Variants in PHF21A observed in about 807,000 individuals in gnomAD.
PHF21A encodes BHC80a.
Under a neutral mutation model 82.5 loss-of-function variants are expected in PHF21A, and 11 were observed. The observed-to-expected ratio is 0.13, with a 90% confidence interval of 0.08 to 0.22. The LOEUF (loss-of-function observed/expected upper bound fraction) is 0.22, where lower values mean the gene tolerates loss of function less well. Among genes scored for constraint, PHF21A ranks in the 10% least tolerant of loss-of-function variants. The pLI is 1.00. For synonymous variants in PHF21A, 297 were observed against 302.8 expected, an observed-to-expected ratio of 0.98 and a Z score of 0.20; for missense variants, 579 against 837.8, an observed-to-expected ratio of 0.69 and a Z score of 3.81.
chr11:45,978,754 A>G (rs2094154332), intron 7 of PHF21A, among the ~76,000 whole-genome samples: 1 of 152,240 alleles, frequency 6.6e-6, no homozygotes, highest in Non-Finnish European at 1.5e-5. Context: ...TCCAAGTATC[A>G]TTTGGAATAT....
chr11:46,059,458 C>T (rs1003184516), intron 6 of PHF21A, among the ~76,000 whole-genome samples: 3 of 152,068 alleles, frequency 2.0e-5, no homozygotes, highest in African/African-American at 7.2e-5. Flanking sequence ...GACAGGGTTC[C>T]ACTGTCGCCC....
intron 1 of PHF21A, among the ~76,000 whole-genome samples, chr11:46,109,109 T>C (rs969640873): frequency 5.3e-5 from 8 of 152,226 alleles, no homozygotes; most frequent in African/African-American, 1.9e-4. Context: ...TCTAGGTATC[T>C]ATGGGAATTA....
intron 6 of PHF21A, among the ~76,000 whole-genome samples, chr11:46,074,316 T>C (rs986126584): frequency 1.1e-4 from 17 of 152,224 alleles, no homozygotes; most frequent in African/African-American, 3.9e-4. Context: ...TTCTTCAAAC[T>C]TTTCTGTATT....
chr11:46,013,854 T>C (rs1479801799), intron 6 of PHF21A, among the ~76,000 whole-genome samples: 1 of 152,140 alleles, frequency 6.6e-6, no homozygotes, highest in Non-Finnish European at 1.5e-5. Flanking sequence ...TGAAAAACGG[T>C]AAACCAGCTT....
At chr11:46,059,126 A>G (rs1483748737) in intron 6 of PHF21A, among the ~76,000 whole-genome samples, 2 of 152,294 alleles carry the variant, frequency 1.3e-5, no homozygotes, top group East Asian at 3.9e-4. Context: ...TGTATTCCTT[A>G]TCTGATTTTT....
At chr11:46,020,141 T>C (rs950694594) in intron 6 of PHF21A, among the ~76,000 whole-genome samples, 1 of 152,164 alleles carries the variant, frequency 6.6e-6, no homozygotes, top group Non-Finnish European at 1.5e-5. Flanking sequence ...TCAAAAGTAA[T>C]CAGGCTGGGA....
In PHF21A at chr11:46,049,370, C is replaced by G. The variant is rs1168944329; in HGVS notation, c.153+27384G>C. 6.7e-6 allele frequency: 3 copies of G among 449,298 alleles called. No homozygotes were observed. The Admixed American group carries it at 7.3e-5, about 11-fold the overall frequency. The allele number at this position is 449,298 out of a possible 1,614,324, so 27.8% of individuals were successfully genotyped here. A position where few individuals can be genotyped will look rare whatever the true frequency, so the allele number is the denominator to read the frequency against. On this transcript the variant is annotated intron_variant, in intron 6 of 18. Coordinates refer to ENST00000676320, the MANE Select transcript of PHF21A (RefSeq NM_001352027.3). Reference sequence around the variant, plus strand: ...TATGCCCTCACCATTCCTTTTGATCCATTAGGTTGAACCCGGCCCAAATAC... The same window carrying G: ...TATGCCCTCACCATTCCTTTTGATCGATTAGGTTGAACCCGGCCCAAATAC...
chr11:46,083,914 T>A (rs576075151), intron 4 of PHF21A, among the ~76,000 whole-genome samples: 23 of 152,350 alleles, frequency 1.5e-4, no homozygotes, highest in African/African-American at 5.5e-4. Flanking sequence ...CTTTCTTTTT[T>A]GTTAACACCT....
At chr11:46,010,499 A>C (rs2095389953) in intron 6 of PHF21A, among the ~76,000 whole-genome samples, 1 of 152,226 alleles carries the variant, frequency 6.6e-6, no homozygotes, top group African/African-American at 2.4e-5. Flanking sequence ...CTAATGCCTG[A>C]ATTTCTTTCT....
intron 6 of PHF21A, among the ~76,000 whole-genome samples, chr11:46,040,345 A>G (rs1201637422): frequency 6.6e-6 from 1 of 152,212 alleles, no homozygotes; most frequent in East Asian, 1.9e-4. Context: ...TGGTAGTTAT[A>G]AACAAAGAAA....
At chr11:45,973,870 C>T (rs1057198615) in intron 7 of PHF21A, among the ~76,000 whole-genome samples, 2 of 152,164 alleles carry the variant, frequency 1.3e-5, no homozygotes, top group African/African-American at 2.4e-5. Flanking sequence ...TTTAAAGAAA[C>T]GCATGTTGTT....
intron 6 of PHF21A, among the ~76,000 whole-genome samples, chr11:46,037,313 C>CCATT (rs2096025680): frequency 6.6e-6 from 1 of 152,092 alleles, no homozygotes; most frequent in Admixed American, 6.6e-5. Context: ...CTATGAAATT[C>CCATT]CATTCTCTTC....
At chr11:45,986,948 A>G (rs1230902407) in intron 6 of PHF21A, among the ~76,000 whole-genome samples, 2 of 152,164 alleles carry the variant, frequency 1.3e-5, no homozygotes, top group Non-Finnish European at 2.9e-5. Flanking sequence ...AGCGAATGCT[A>G]CCTGTTGCCT....
intron 11 of PHF21A, 59 bp from the exon 12 acceptor site, chr11:45,950,316 G>T: frequency 1.4e-6 from 2 of 1,474,056 alleles, no homozygotes; most frequent in Non-Finnish European, 1.9e-6. Flanking sequence ...AAAGCCAATT[G>T]CCAGTTCCTA....
intron 6 of PHF21A, among the ~76,000 whole-genome samples, chr11:46,012,772 G>T (rs1211000667): frequency 6.9e-6 from 1 of 145,212 alleles, no homozygotes; most frequent in Non-Finnish European, 1.6e-5. Context: ...CCTGCTTAAG[G>T]CCAAACTCAT....
chr11:45,947,242 C>T (rs2091432640), intron 14 of PHF21A, among the ~76,000 whole-genome samples: 1 of 152,038 alleles, frequency 6.6e-6, no homozygotes, highest in Non-Finnish European at 1.5e-5. Context: ...AAGTCAGGGC[C>T]CTTGTCTTCT....
Position 46,084,254 on chromosome 11 carries a change from A to G in PHF21A, c.-35T>C. ...TCTCCACTTTCTCTGCTAATTCTATAGTTTCTTCAGCCTCTGTTTAAAGTA... is the reference window on the plus strand; with the variant it reads ...TCTCCACTTTCTCTGCTAATTCTATGGTTTCTTCAGCCTCTGTTTAAAGTA... On this transcript the variant is annotated 5_prime_UTR_variant, in exon 4 of 19. Coordinates refer to ENST00000676320, the MANE Select transcript of PHF21A (RefSeq NM_001352027.3). 6.5e-7 allele frequency: 1 copy of G among 1,545,010 alleles called. No individual in the cohort carries two copies. Among genetic ancestry groups the G allele is most frequent in the Non-Finnish European group, 8.8e-7 (1 of 1,133,098 alleles).
At chr11:46,006,508 C>A (rs1404128761) in intron 6 of PHF21A, among the ~76,000 whole-genome samples, 1 of 152,212 alleles carries the variant, frequency 6.6e-6, no homozygotes, top group Non-Finnish European at 1.5e-5. Flanking sequence ...AACAAGGAGT[C>A]TAAAAGTTTA....
At chr11:46,051,238 A>T (rs2096360404) in intron 6 of PHF21A, among the ~76,000 whole-genome samples, 1 of 152,184 alleles carries the variant, frequency 6.6e-6, no homozygotes, top group Admixed American at 6.5e-5. Context: ...TTGCTGCTTT[A>T]AAGAGTAAAT....
Sources: gnomAD v4.1 joint callset for allele counts (sites outside exome capture counted in the v4.1 genomes callset) on GRCh38, gnomAD v4.1.1 for gene constraint, MANE v1.5 for transcripts, NCBI Gene and HGNC (gene_info 2026-07-23, HGNC 2026-07-21) for gene names.